Variants in SHISA6 observed in about 807,000 individuals in gnomAD.
SHISA6 encodes protein shisa-6.
SHISA6 carries 22 observed loss-of-function variants against 47.9 expected under a neutral mutation model. That is an observed-to-expected ratio of 0.46 (90% CI 0.33 to 0.66). SHISA6 has a LOEUF of 0.66. SHISA6 is among the 30% of genes least tolerant of loss of function. The pLI is 0.02. For synonymous variants in SHISA6, 388 were observed against 337.8 expected, an observed-to-expected ratio of 1.15 and a Z score of -1.63; for missense variants, 680 against 764.6, an observed-to-expected ratio of 0.89 and a Z score of 1.30.
Position 11,464,737 on chromosome 17 carries a change from G to A in SHISA6, c.895+85228G>A, listed in dbSNP as rs181317449. Among the ~76,000 whole-genome samples, 415 of 152,288 alleles carry A rather than the reference G, an allele frequency of 2.7e-3. 2 individuals are homozygous for A. Among genetic ancestry groups the A allele is most frequent in the African/African-American group, 9.5e-3 (395 of 41,558 alleles). On this transcript the variant is annotated intron_variant, in intron 3 of 5. Transcript: ENST00000441885. ...GCAGGTGGATCACCGGAGGCCAGGAGTTCGAGACCAGCCTGGCCAACATGG... is the reference window on the plus strand; with the variant it reads ...GCAGGTGGATCACCGGAGGCCAGGAATTCGAGACCAGCCTGGCCAACATGG...
intron 2 of SHISA6, among the ~76,000 whole-genome samples, chr17:11,354,465 A>G (rs1206520282): frequency 6.6e-6 from 1 of 152,158 alleles, no homozygotes; most frequent in East Asian, 1.9e-4. Context: ...CAACATGGAC[A>G]TCCACCAAGC....
At chr17:11,277,280 T>TCTCTCTCTCTCTCTCTCACACACACA (rs1386997909) in intron 2 of SHISA6, among the ~76,000 whole-genome samples, 2 of 53,922 alleles carry the variant, frequency 3.7e-5, no homozygotes, top group East Asian at 9.0e-4. Flanking sequence ...TCTCTCTCTC[T>TCTCTCTCTCTCTCTCTCACACACACA]CACACACACA....
chr17:11,543,738 G>A (rs1314703034), intron 3 of SHISA6, among the ~76,000 whole-genome samples: 1 of 151,980 alleles, frequency 6.6e-6, no homozygotes, highest in Non-Finnish European at 1.5e-5. Flanking sequence ...TCAAAACTGT[G>A]TGGCATTGGC....
At chr17:11,401,809 C>T (rs962171014) in intron 3 of SHISA6, among the ~76,000 whole-genome samples, 1 of 152,200 alleles carries the variant, frequency 6.6e-6, no homozygotes, top group Non-Finnish European at 1.5e-5. Context: ...TGCAACCTCC[C>T]TTGTTGACAC....
chr17:11,376,704 A>G (rs1256065856), intron 2 of SHISA6, among the ~76,000 whole-genome samples: 1 of 152,194 alleles, frequency 6.6e-6, no homozygotes. Context: ...CAGAGAATGC[A>G]GATCATTCTA....
chr17:11,389,777 T>C (rs987766286), intron 3 of SHISA6, among the ~76,000 whole-genome samples: 1 of 152,170 alleles, frequency 6.6e-6, no homozygotes, highest in African/African-American at 2.4e-5. Flanking sequence ...TGGCACTGAG[T>C]GGTCATCTAA....
intron 3 of SHISA6, among the ~76,000 whole-genome samples, chr17:11,529,634 A>T (rs1236393121): frequency 6.6e-6 from 1 of 152,216 alleles, no homozygotes; most frequent in East Asian, 1.9e-4. Context: ...GTGAATTATA[A>T]ATTAATAAAT....
intron 3 of SHISA6, among the ~76,000 whole-genome samples, chr17:11,529,952 T>A (rs2071718274): frequency 6.6e-6 from 1 of 152,140 alleles, no homozygotes; most frequent in South Asian, 2.1e-4. Context: ...CACTAGTTAC[T>A]GATGAAACAC....
At chr17:11,491,768 GTGTT>G (rs1916489060) in intron 3 of SHISA6, among the ~76,000 whole-genome samples, 2 of 107,884 alleles carry the variant, frequency 1.9e-5, no homozygotes, top group Middle Eastern at 5.0e-3. Flanking sequence ...AGCTGGTGAA[GTGTT>G]TTTTTTTTTT....
chr17:11,429,827 CA>C (rs1914701173), intron 3 of SHISA6, among the ~76,000 whole-genome samples: 1 of 147,088 alleles, frequency 6.8e-6, no homozygotes, highest in African/African-American at 2.5e-5. Context: ...ATCAATCAAT[CA>C]ATCAGTCAAT....
rs187251839 is a variant in SHISA6, at chr17:11,476,354, A to G, written c.896-75542A>G. Among the ~76,000 whole-genome samples the G allele has an allele frequency of 7.0e-4, 107 of 152,008 alleles. 1 individual carries two copies. The highest frequency in any genetic ancestry group is 1.2e-3 in the Non-Finnish European group (81 of 67,914). On this transcript the variant is annotated intron_variant, in intron 3 of 5. Coordinates refer to ENST00000441885, the MANE Select transcript of SHISA6 (RefSeq NM_207386.4). The stretch of plus-strand genomic sequence containing the variant: ...TTGGAGTTAATTTGCTCTTCTTTAC[A>G]TAGTCCCTTAAGGTGGAAACCTAGA...
chr17:11,519,764 C>A (rs961422175), intron 3 of SHISA6, among the ~76,000 whole-genome samples: 1 of 152,184 alleles, frequency 6.6e-6, no homozygotes, highest in Non-Finnish European at 1.5e-5. Flanking sequence ...CTCCCCCACG[C>A]CAACAAGCCT....
At chr17:11,397,653 G>T (rs113917529) in intron 3 of SHISA6, among the ~76,000 whole-genome samples, 1 of 150,318 alleles carries the variant, frequency 6.7e-6, no homozygotes, top group East Asian at 1.9e-4. Flanking sequence ...CTGTCCCATT[G>T]TTGCCTTGCT....
At position 11,466,404 on chromosome 17, in the gene SHISA6, C is replaced by T. The variant is rs536481937; in HGVS notation, c.896-85492C>T. 2.8e-4 allele frequency among the ~76,000 whole-genome samples: 42 copies of T among 152,168 alleles called. No individual in the cohort carries two copies. The East Asian group carries it at 5.8e-3, about 21-fold the overall frequency. The stretch of plus-strand genomic sequence containing the variant: ...GAATAGTCCTGAAAGAGGCAAGCAG[C>T]CCCCCACCCAAGGTCCCCCAGTGGG... On this transcript the variant is annotated intron_variant, in intron 3 of 5. Coordinates refer to ENST00000441885, the MANE Select transcript of SHISA6 (RefSeq NM_207386.4).
At chr17:11,379,627 C>A in intron 3 of SHISA6, 118 bp downstream of exon 3, 1 of 658,652 alleles carries the variant, frequency 1.5e-6, no homozygotes, top group Non-Finnish European at 2.5e-6. Flanking sequence ...TGGGGTGGTT[C>A]CATGGCAGCT....
At chr17:11,450,018 G>T (rs922714437) in intron 3 of SHISA6, among the ~76,000 whole-genome samples, 1 of 152,170 alleles carries the variant, frequency 6.6e-6, no homozygotes, top group African/African-American at 2.4e-5. Flanking sequence ...CCAAGTAGCT[G>T]GGACTACAGG....
At chr17:11,545,469 T>G (rs1003591966) in intron 3 of SHISA6, among the ~76,000 whole-genome samples, 4 of 152,210 alleles carry the variant, frequency 2.6e-5, no homozygotes, top group African/African-American at 9.6e-5. Flanking sequence ...TTCTGTACAT[T>G]GACTGTGTTA....
chr17:11,320,945 T>C (rs1910697574), intron 2 of SHISA6, among the ~76,000 whole-genome samples: 1 of 152,210 alleles, frequency 6.6e-6, no homozygotes, highest in South Asian at 2.1e-4. Context: ...CATATACAGA[T>C]GTAGATTCCA....
chr17:11,468,074 A>G (rs958236690), intron 3 of SHISA6, among the ~76,000 whole-genome samples: 1 of 152,006 alleles, frequency 6.6e-6, no homozygotes, highest in Admixed American at 6.5e-5. Context: ...TAATTCAACA[A>G]CTTCAGGGAG....
Sources: allele counts gnomAD v4.1 joint callset (sites outside exome capture counted in the v4.1 genomes callset), GRCh38; gene constraint gnomAD v4.1.1; transcripts MANE v1.5; gene names NCBI Gene and HGNC (gene_info 2026-07-23, HGNC 2026-07-21).